Variants in EPHB1 observed in about 807,000 individuals in gnomAD.
EPHB1 encodes the protein EPH receptor B1.
EPHB1 carries 30 observed loss-of-function variants against 94.4 expected under a neutral mutation model. That is an observed-to-expected ratio of 0.32 (90% CI 0.24 to 0.43). The LOEUF (loss-of-function observed/expected upper bound fraction) is 0.43. EPHB1 is among the 20% of genes least tolerant of loss of function. EPHB1 has a pLI of 1.00. For missense variants in EPHB1, 1,055 were observed against 1,308.3 expected (o/e 0.81, Z 2.99); for synonymous variants, 522 against 489.1 (o/e 1.07, Z -0.89).
intron 11 of EPHB1, among the ~76,000 whole-genome samples, chr3:135,194,696 G>A (rs1297769030): frequency 6.6e-6 from 1 of 152,164 alleles, no homozygotes; most frequent in Non-Finnish European, 1.5e-5. Flanking sequence ...GGGTCACTAG[G>A]AAGTAGTGGC....
At position 135,165,910 on chromosome 3, in the gene EPHB1, G is replaced by A; in HGVS notation, c.1586-58G>A. On this transcript the variant is annotated intron_variant, in intron 7 of 15. Coordinates refer to ENST00000398015, the MANE Select transcript of EPHB1 (RefSeq NM_004441.5). ...TCATGTTTTTGGTATTGTGCACTGA[G>A]TATCAGCTGTATGCAAAAGGCACAT... The A allele has an allele frequency of 3.2e-6, 4 of 1,232,826 alleles. No homozygotes were observed. In the Admixed American group the frequency reaches 6.7e-5, roughly 21 times the overall value. 76.4% of individuals were successfully genotyped at this position (1,232,826 alleles called of 1,614,324 possible). A position where few individuals can be genotyped will look rare whatever the true frequency, so the allele number is the denominator to read the frequency against.
chr3:135,088,399 T>G (rs927319892), intron 3 of EPHB1, among the ~76,000 whole-genome samples: 3 of 152,198 alleles, frequency 2.0e-5, no homozygotes, highest in African/African-American at 7.2e-5. Flanking sequence ...TATAGTTTCA[T>G]CGAAAAGAAA....
intron 3 of EPHB1, among the ~76,000 whole-genome samples, chr3:135,077,977 T>C (rs1938005412): frequency 6.6e-6 from 1 of 152,234 alleles, no homozygotes; most frequent in Admixed American, 6.5e-5. Flanking sequence ...ATAGCATTGA[T>C]TTGTTTAATC....
rs1162815558 is a variant in EPHB1, at chr3:135,029,268, G to C, written c.806-77180G>C. Among the ~76,000 whole-genome samples, 3 of 150,838 alleles carry C rather than the reference G, an allele frequency of 2.0e-5. No homozygotes were observed. In the Admixed American group the frequency reaches 2.0e-4, roughly 10 times the overall value. On this transcript the variant is annotated intron_variant, in intron 3 of 15. Coordinates refer to ENST00000398015, the MANE Select transcript of EPHB1 (RefSeq NM_004441.5). Reference sequence around the variant, plus strand: ...TGTGTGAATTTGATCCTGTCATTATGATGTTAGCTGGTCATTTTGCTCGTT... The same window carrying C: ...TGTGTGAATTTGATCCTGTCATTATCATGTTAGCTGGTCATTTTGCTCGTT...
intron 1 of EPHB1, among the ~76,000 whole-genome samples, chr3:134,849,996 G>C (rs2036947869): frequency 6.6e-6 from 1 of 152,180 alleles, no homozygotes; most frequent in Non-Finnish European, 1.5e-5. Flanking sequence ...CTAGCTTTGA[G>C]AGTCACCAGC....
intron 3 of EPHB1, among the ~76,000 whole-genome samples, chr3:135,101,066 C>T (rs1939018596): frequency 6.6e-6 from 1 of 152,166 alleles, no homozygotes; most frequent in South Asian, 2.1e-4. Context: ...CTTAAGGAAA[C>T]AAGGCAATTG....
chr3:134,823,346 C>A (rs1007728326), intron 1 of EPHB1, among the ~76,000 whole-genome samples: 10 of 152,158 alleles, frequency 6.6e-5, no homozygotes, highest in African/African-American at 2.4e-4. Context: ...ATGAGGGGAG[C>A]AAAGTCCATG....
chr3:134,985,874 A>G (rs1035802407), intron 3 of EPHB1, among the ~76,000 whole-genome samples: 1 of 152,130 alleles, frequency 6.6e-6, no homozygotes, highest in African/African-American at 2.4e-5. Context: ...TAATTCTGAG[A>G]TCAGTACAGT....
At chr3:134,842,424 G>A (rs917672896) in intron 1 of EPHB1, among the ~76,000 whole-genome samples, 1 of 152,170 alleles carries the variant, frequency 6.6e-6, no homozygotes. Flanking sequence ...TGCCATCAGA[G>A]CCCTGTTCAT....
chr3:134,982,921 G>A (rs1276005162), intron 3 of EPHB1, among the ~76,000 whole-genome samples: 1 of 152,166 alleles, frequency 6.6e-6, no homozygotes. Flanking sequence ...AGGCCTGAAA[G>A]CACTGGCTTT....
intron 1 of EPHB1, among the ~76,000 whole-genome samples, chr3:134,832,671 A>G (rs1192391806): frequency 1.3e-5 from 2 of 152,236 alleles, no homozygotes; most frequent in African/African-American, 2.4e-5. Context: ...ACAAATTGAA[A>G]GTGACAATAA....
chr3:135,039,232 TAGAG>T (rs1168566265), intron 3 of EPHB1, among the ~76,000 whole-genome samples: 10 of 152,152 alleles, frequency 6.6e-5, no homozygotes, highest in Non-Finnish European at 1.0e-4. Flanking sequence ...AGCAGCTAGA[TAGAG>T]AGTGTCGATT....
chr3:135,054,572 C>T (rs1278546450), intron 3 of EPHB1, among the ~76,000 whole-genome samples: 3 of 152,168 alleles, frequency 2.0e-5, no homozygotes, highest in Non-Finnish European at 2.9e-5. Flanking sequence ...AGCTAACCCC[C>T]CCATTATTGT....
At chr3:134,977,001 A>G (rs1934218457) in intron 3 of EPHB1, among the ~76,000 whole-genome samples, 1 of 152,184 alleles carries the variant, frequency 6.6e-6, no homozygotes, top group South Asian at 2.1e-4. Context: ...ATTTTACTTC[A>G]ATAAAGCTGA....
At chr3:135,211,367 A>G (rs138879896) in intron 12 of EPHB1, among the ~76,000 whole-genome samples, 2 of 152,362 alleles carry the variant, frequency 1.3e-5, no homozygotes, top group East Asian at 3.9e-4. Context: ...ATTGCCTCAA[A>G]ATAGTTATCA....
chr3:135,007,682 T>A (rs1935473861), intron 3 of EPHB1, among the ~76,000 whole-genome samples: 1 of 152,152 alleles, frequency 6.6e-6, no homozygotes, highest in Admixed American at 6.5e-5. Flanking sequence ...GATTTATAAT[T>A]TACATTTGTC....
chr3:135,237,309 CACAG>C (rs1214012814), intron 12 of EPHB1, among the ~76,000 whole-genome samples: 12 of 149,460 alleles, frequency 8.0e-5, no homozygotes, highest in Admixed American at 4.0e-4. Flanking sequence ...CACACACACA[CACAG>C]ACAGACACAA....
At chr3:134,814,020 C>T (rs537831039) in intron 1 of EPHB1, among the ~76,000 whole-genome samples, 7 of 152,274 alleles carry the variant, frequency 4.6e-5, no homozygotes, top group African/African-American at 1.2e-4. Context: ...GAGTCTACCC[C>T]GGGGCCTGGC....
chr3:134,945,870 G>T (rs1318223836), intron 2 of EPHB1, among the ~76,000 whole-genome samples: 1 of 152,190 alleles, frequency 6.6e-6, no homozygotes, highest in African/African-American at 2.4e-5. Context: ...TTGGGTAAAA[G>T]AAATTTGGCC....
Sources: gnomAD v4.1 joint callset for allele counts (sites outside exome capture counted in the v4.1 genomes callset) on GRCh38, gnomAD v4.1.1 for gene constraint, MANE v1.5 for transcripts, NCBI Gene and HGNC (gene_info 2026-07-23, HGNC 2026-07-21) for gene names.